Variants in ARB2A observed in about 807,000 individuals in gnomAD.
ARB2A encodes the protein cotranscriptional regulator ARB2A.
the ARB2A span, among the ~76,000 whole-genome samples, chr5:94,078,435 T>G: frequency 6.6e-6 from 1 of 152,156 alleles, no homozygotes; most frequent in Non-Finnish European, 1.5e-5. Context: ...CATCGGTTGC[T>G]CATCAGCAAA....
chr5:94,106,324 C>T, the ARB2A span, among the ~76,000 whole-genome samples: 3 of 152,014 alleles, frequency 2.0e-5, no homozygotes, highest in African/African-American at 7.2e-5. Context: ...AGGACATGAA[C>T]AGACAATTCT....
At chr5:94,047,757 A>G in the ARB2A span, among the ~76,000 whole-genome samples, 9 of 152,202 alleles carry the variant, frequency 5.9e-5, no homozygotes, top group Non-Finnish European at 1.0e-4. Context: ...TCATTTACAC[A>G]TGGAATTACC....
At chr5:93,914,569 C>T in the ARB2A span, among the ~76,000 whole-genome samples, 6 of 151,788 alleles carry the variant, frequency 4.0e-5, no homozygotes, top group Non-Finnish European at 7.4e-5. Flanking sequence ...AAGTAAAGCA[C>T]TTAAATAATT....
the ARB2A span, among the ~76,000 whole-genome samples, chr5:93,678,772 T>C: frequency 1.3e-5 from 2 of 150,116 alleles, no homozygotes; most frequent in Non-Finnish European, 3.0e-5. Flanking sequence ...AAAAAAGCAA[T>C]ATAACTGAGG....
the ARB2A span, among the ~76,000 whole-genome samples, chr5:93,931,831 T>C: frequency 2.0e-5 from 3 of 152,100 alleles, no homozygotes; most frequent in Non-Finnish European, 2.9e-5. Flanking sequence ...TCTAATACCA[T>C]AGGTAAGTTT....
the ARB2A span, among the ~76,000 whole-genome samples, chr5:93,810,027 T>C: frequency 6.6e-6 from 1 of 152,102 alleles, no homozygotes; most frequent in South Asian, 2.1e-4. Flanking sequence ...TGCTTCTTGC[T>C]TTTAAAAGCA....
At chr5:94,013,221 C>T in the ARB2A span, among the ~76,000 whole-genome samples, 8 of 148,878 alleles carry the variant, frequency 5.4e-5, no homozygotes, top group Admixed American at 2.0e-4. Context: ...CTCTGTCACC[C>T]AGGCTGGAAT....
chr5:94,103,315 T>C, the ARB2A span, among the ~76,000 whole-genome samples: 2 of 151,956 alleles, frequency 1.3e-5, no homozygotes, highest in Non-Finnish European at 2.9e-5. Flanking sequence ...GAGTAAGGGA[T>C]AGAGAAAAAT....
chr5:93,802,441 A>G, the ARB2A span, among the ~76,000 whole-genome samples: 1 of 152,098 alleles, frequency 6.6e-6, no homozygotes, highest in Non-Finnish European at 1.5e-5. Flanking sequence ...TAAGCATCTA[A>G]TAAAAAGCAA....
chr5:93,901,125 C>G, the ARB2A span, among the ~76,000 whole-genome samples: 2 of 152,154 alleles, frequency 1.3e-5, no homozygotes, highest in African/African-American at 4.8e-5. Context: ...ATAATAACTG[C>G]TAGCCAACCT....
At chr5:94,095,881 C>CT in the ARB2A span, among the ~76,000 whole-genome samples, 12 of 152,142 alleles carry the variant, frequency 7.9e-5, no homozygotes, top group African/African-American at 2.9e-4. Flanking sequence ...GACCTTAGGC[C>CT]TTTCCCTGCT....
At chr5:93,829,111 G>C in the ARB2A span, among the ~76,000 whole-genome samples, 2 of 152,124 alleles carry the variant, frequency 1.3e-5, no homozygotes, top group African/African-American at 4.8e-5. Flanking sequence ...AAGGCCGTTT[G>C]TAAAGTTCAG....
the ARB2A span, among the ~76,000 whole-genome samples, chr5:93,807,294 G>A: frequency 6.6e-6 from 1 of 151,908 alleles, no homozygotes; most frequent in Non-Finnish European, 1.5e-5. Flanking sequence ...ATTTCCCACA[G>A]ATTTGGTTGA....
the ARB2A span, among the ~76,000 whole-genome samples, chr5:93,875,271 G>T: frequency 6.6e-6 from 1 of 151,640 alleles, no homozygotes; most frequent in Admixed American, 6.6e-5. Context: ...TCACTCTGTC[G>T]CCCAGGGTGG....
chr5:94,074,646 C>T, the ARB2A span: 5 of 1,609,136 alleles, frequency 3.1e-6, no homozygotes, highest in Admixed American at 1.7e-5. Flanking sequence ...AAGTATGTAC[C>T]TTTCAGTGCG....
the ARB2A span, among the ~76,000 whole-genome samples, chr5:93,715,653 T>A: frequency 2.6e-5 from 4 of 152,052 alleles, no homozygotes; most frequent in South Asian, 2.1e-4. Flanking sequence ...CTTTTTTTTT[T>A]TTTTTATTAG....
the ARB2A span, chr5:93,683,497 T>C: frequency 6.3e-7 from 1 of 1,579,026 alleles, no homozygotes. Context: ...TTGCCAGTGT[T>C]ACTTTAATTG....
chr5:93,640,924 A>T, the ARB2A span, among the ~76,000 whole-genome samples: 1 of 152,006 alleles, frequency 6.6e-6, no homozygotes, highest in Non-Finnish European at 1.5e-5. Flanking sequence ...AGCCCATGCC[A>T]GGTGTGGTGG....
At chr5:93,625,262 A>G in the ARB2A span, among the ~76,000 whole-genome samples, 5 of 152,338 alleles carry the variant, frequency 3.3e-5, no homozygotes, top group South Asian at 1.0e-3. Context: ...AAGATTAACA[A>G]TCTCGTAAGT....
Sources: gnomAD v4.1 joint callset for allele counts (sites outside exome capture counted in the v4.1 genomes callset) on GRCh38, gnomAD v4.1.1 for gene constraint, MANE v1.5 for transcripts, NCBI Gene and HGNC (gene_info 2026-07-23, HGNC 2026-07-21) for gene names.